ADD3: variants seen among roughly 807,000 people sequenced by gnomAD.
ADD3 encodes adducin 3, also known as gamma-adducin.
ADD3 carries 25 observed loss-of-function variants against 80.2 expected under a neutral mutation model. The ratio of observed to expected loss-of-function variants is 0.31; its 90% CI spans 0.23 to 0.44. ADD3 has a LOEUF of 0.44. Ranked by LOEUF, ADD3 falls within the 20% of genes least tolerant of loss-of-function variation. The pLI is 1.00. For synonymous variants in ADD3, 284 were observed against 289.6 expected (o/e 0.98, Z 0.20); for missense variants, 829 against 847.5 (o/e 0.98, Z 0.27).
intron 1 of ADD3, among the ~76,000 whole-genome samples, chr10:110,058,828 A>C (rs552860480): frequency 6.6e-6 from 1 of 152,316 alleles, no homozygotes; most frequent in South Asian, 2.1e-4. Flanking sequence ...GATTCTTTTC[A>C]GTATCACAAA....
At chr10:110,062,684 G>A (rs955571208) in intron 1 of ADD3, among the ~76,000 whole-genome samples, 1 of 152,184 alleles carries the variant, frequency 6.6e-6, no homozygotes, top group Non-Finnish European at 1.5e-5. Flanking sequence ...AATTAGTGAA[G>A]AAGACAAAAT....
At chr10:110,032,665 C>T (rs1017174134) in intron 1 of ADD3, among the ~76,000 whole-genome samples, 2 of 152,114 alleles carry the variant, frequency 1.3e-5, no homozygotes, top group African/African-American at 4.8e-5. Flanking sequence ...TCAGCTCTAC[C>T]ATTACCCTAA....
chr10:110,084,519 T>G (rs930816476), intron 1 of ADD3, among the ~76,000 whole-genome samples: 2 of 152,240 alleles, frequency 1.3e-5, no homozygotes, highest in African/African-American at 4.8e-5. Context: ...TACAGTCTTA[T>G]GTATCTCATT....
chr10:110,113,019 A>G, intron 3 of ADD3, 104 bp downstream of exon 3: 1 of 1,191,820 alleles, frequency 8.4e-7, no homozygotes, highest in Non-Finnish European at 1.2e-6. Flanking sequence ...CCTTAAGTTT[A>G]TAACATCTAA....
At chr10:110,063,780 T>TATATACATATATATAAATATAAATAA in intron 1 of ADD3, among the ~76,000 whole-genome samples, 1 of 112,576 alleles carries the variant, frequency 8.9e-6, no homozygotes, top group African/African-American at 3.4e-5. Context: ...TATATATATA[T>TATATACATATATATAAATATAAATAA]ATAAAGTGAA....
intron 1 of ADD3, among the ~76,000 whole-genome samples, chr10:110,084,180 C>T (rs1350864856): frequency 1.3e-5 from 2 of 152,172 alleles, no homozygotes; most frequent in African/African-American, 4.8e-5. Context: ...ATGAAGTTTA[C>T]TCTTCCTGGT....
intron 3 of ADD3, among the ~76,000 whole-genome samples, chr10:110,114,854 G>A (rs1405098813): frequency 1.3e-5 from 2 of 152,066 alleles, no homozygotes; most frequent in African/African-American, 4.8e-5. Flanking sequence ...AAGGCAGGAG[G>A]ATCACTGGAG....
At chr10:110,010,549 G>A (rs539235711) in intron 1 of ADD3, among the ~76,000 whole-genome samples, 1 of 152,324 alleles carries the variant, frequency 6.6e-6, no homozygotes, top group South Asian at 2.1e-4. Context: ...AGTATGTAAA[G>A]TGACATATCT....
intron 1 of ADD3, among the ~76,000 whole-genome samples, chr10:110,036,662 A>T (rs1198275713): frequency 2.0e-5 from 3 of 150,066 alleles, no homozygotes; most frequent in African/African-American, 7.3e-5. Flanking sequence ...GTGAGCCACC[A>T]CGCCCAGCCT....
chr10:110,117,944 A>G (rs945241798), intron 5 of ADD3, among the ~76,000 whole-genome samples: 1 of 151,186 alleles, frequency 6.6e-6, no homozygotes, highest in Non-Finnish European at 1.5e-5. Flanking sequence ...TGAATCCATA[A>G]GGTAGAGGTT....
intron 3 of ADD3, among the ~76,000 whole-genome samples, chr10:110,115,098 AAAAG>A (rs1850552524): frequency 2.0e-5 from 3 of 149,670 alleles, no homozygotes; most frequent in African/African-American, 4.9e-5. Flanking sequence ...AAAAAAAAAA[AAAAG>A]GGTGGGGCCA....
At chr10:110,130,249 A>T in intron 12 of ADD3, 114 bp from the exon 13 acceptor site, 1 of 1,090,892 alleles carries the variant, frequency 9.2e-7, no homozygotes, top group African/African-American at 1.6e-5. Context: ...GATTGTTGTG[A>T]AATAAGGCTT....
At chr10:110,043,195 G>A (rs574630051) in intron 1 of ADD3, among the ~76,000 whole-genome samples, 2 of 152,192 alleles carry the variant, frequency 1.3e-5, no homozygotes, top group Non-Finnish European at 2.9e-5. Context: ...CATTTGAACG[G>A]CTTGGCCTTT....
At chr10:110,005,992 T>TGCTGCTGCTGCTGCCGCCGCCGCC (rs1015467822), upstream of ADD3, 12 of 244,902 alleles carry the variant, frequency 4.9e-5, 1 homozygote, top group East Asian at 1.5e-4. Context: ...CTGCTAATGC[T>TGCTGCTGCTGCTGCCGCCGCCGCC]GCTGCTGCTG....
In ADD3 at chr10:110,125,911, C is replaced by G. The variant is rs1391145883; in HGVS notation, c.1487C>G (p.Thr496Arg). The G allele has an allele frequency of 6.2e-7, 1 of 1,608,898 alleles. No individual in the cohort carries two copies. Among genetic ancestry groups the G allele is most frequent in the Non-Finnish European group, 8.5e-7 (1 of 1,176,620 alleles). ...EDPNQFVPLN[T>R]NPNEVLEKRN... is the part of the protein sequence containing the mutation. ...CCAAATCAGTTTGTTCCTTTAAACACAAACCCGAATGAGGTACTAGAAAAG... is the reference window on the plus strand; with the variant it reads ...CCAAATCAGTTTGTTCCTTTAAACAGAAACCCGAATGAGGTACTAGAAAAG... The change falls in exon 11 of 15, where the codon ACA becomes AGA. Residue 496 changes from threonine (T) to arginine (R), a missense_variant. Transcript: ENST00000356080.
At chr10:110,100,507 C>A in intron 1 of ADD3, 118 bp from the exon 2 acceptor site, 4 of 525,496 alleles carry the variant, frequency 7.6e-6, no homozygotes, top group Non-Finnish European at 1.3e-5. Context: ...TGAGAAGCTA[C>A]TTTTTAAAGT....
At chr10:110,058,847 A>T (rs1314666051) in intron 1 of ADD3, among the ~76,000 whole-genome samples, 3 of 152,202 alleles carry the variant, frequency 2.0e-5, no homozygotes, top group African/African-American at 7.2e-5. Flanking sequence ...AATCCATTCT[A>T]AAGTGGAACT....
intron 1 of ADD3, among the ~76,000 whole-genome samples, chr10:110,057,404 T>C (rs1263716073): frequency 6.6e-6 from 1 of 152,150 alleles, no homozygotes; most frequent in East Asian, 1.9e-4. Flanking sequence ...CCTCAATCAG[T>C]CCTCCTGCCT....
chr10:110,075,112 A>G (rs1426875876), intron 1 of ADD3, among the ~76,000 whole-genome samples: 1 of 152,226 alleles, frequency 6.6e-6, no homozygotes, highest in African/African-American at 2.4e-5. Context: ...ACATTGGGCA[A>G]GTAGCTGTGT....
Sources: allele counts gnomAD v4.1 joint callset (sites outside exome capture counted in the v4.1 genomes callset), GRCh38; gene constraint gnomAD v4.1.1; transcripts MANE v1.5; gene names NCBI Gene and HGNC (gene_info 2026-07-23, HGNC 2026-07-21).